The following CPLANE1 variants were observed in gnomAD, a reference collection of about 807,000 sequenced individuals.
The protein encoded by CPLANE1 is ciliogenesis and planar polarity effector complex subunit 1.
In CPLANE1, 263 loss-of-function variants were observed where a neutral mutation model predicts 362.5. The ratio of observed to expected loss-of-function variants is 0.73; its 90% CI spans 0.66 to 0.80. The LOEUF (loss-of-function observed/expected upper bound fraction) is 0.80, where lower values mean the gene tolerates loss of function less well. Ranked by LOEUF, CPLANE1 falls within the 30% of genes least tolerant of loss-of-function variation. CPLANE1 has a pLI of 0.00. For synonymous variants in CPLANE1, 1,212 were observed against 1,302.6 expected (o/e 0.93, Z 1.50); for missense variants, 3,461 against 3,793.4 (o/e 0.91, Z 2.30).
Position 37,201,705 on chromosome 5 carries a change from T to C in CPLANE1, c.3393A>G (p.Gln1131=), listed in dbSNP as rs1789235793. The C allele has an allele frequency of 3.1e-6, 5 of 1,614,136 alleles. No homozygotes were observed. The highest frequency in any genetic ancestry group is 2.2e-5 in the East Asian group (1 of 44,876). ...ADADILSETF[Q]LLIDSAKDFS... ...AGTCCTTGGCAGAGTCTATCAGAAG[T>C]TGAAATGTCTCCGAAAGAATATCTG... is the stretch of plus-strand genomic sequence containing the variant. The change falls in exon 19 of 53, where the codon CAA becomes CAG. Residue 1131 remains glutamine, a synonymous_variant. Coordinates refer to ENST00000651892, the MANE Select transcript of CPLANE1 (RefSeq NM_001384732.1).
chr5:37,149,480 T>G (rs1356993478), intron 42 of CPLANE1, among the ~76,000 whole-genome samples: 1 of 152,204 alleles, frequency 6.6e-6, no homozygotes. Context: ...CATCCTTTTT[T>G]GTTTTTATTA....
In CPLANE1 at chr5:37,186,347, C is replaced by A; in HGVS notation, c.4128G>T (p.Arg1376Ser). ...VKAFPYPEDV[R>S]VPLRDKYHSL... Reference sequence around the variant, plus strand: ...AGTGATATTTGTCTCTTAAAGGAACCCTCACGTCCTCAGGATAGGGAAATG... The same window carrying A: ...AGTGATATTTGTCTCTTAAAGGAACACTCACGTCCTCAGGATAGGGAAATG... The change falls in exon 24 of 53, where the codon AGG becomes AGT. Residue 1376 changes from arginine (R) to serine (S), a missense_variant. By Grantham distance (110) the Arg-to-Ser change is moderately radical (BLOSUM62 -1). This residue lies in a region of CPLANE1 where 3,380 missense variants were observed against 3,666.1 expected (regional missense o/e 0.92). Transcript: ENST00000651892. 1.2e-6 allele frequency: 2 copies of A among 1,606,894 alleles called. No homozygotes were observed. The highest frequency in any genetic ancestry group is 1.7e-6 in the Non-Finnish European group (2 of 1,173,832).
rs547534957 is a variant in CPLANE1 at position 37,227,561 on chromosome 5, A to T, written c.1371+7T>A. 6.5e-7 allele frequency: 1 copy of T among 1,536,098 alleles called. No individual in the cohort carries two copies. Among genetic ancestry groups the T allele is most frequent in the East Asian group, 2.5e-5 (1 of 40,758 alleles). ...ACTTTCCCCAATGATATAAAAAAGC[A>T]CTATACCTTAGACAATATCACACTT... On this transcript the variant is annotated splice_region_variant and intron_variant, in intron 10 of 52. Coordinates refer to ENST00000651892, the MANE Select transcript of CPLANE1 (RefSeq NM_001384732.1).
intron 18 of CPLANE1, among the ~76,000 whole-genome samples, chr5:37,203,477 T>C (rs930747763): frequency 6.6e-6 from 1 of 152,200 alleles, no homozygotes; most frequent in African/African-American, 2.4e-5. Flanking sequence ...TTGGCTATTA[T>C]GAAAAAGTTG....
chr5:37,083,369 T>C, the CPLANE1 span, among the ~76,000 whole-genome samples: 1 of 152,002 alleles, frequency 6.6e-6, no homozygotes, highest in African/African-American at 2.4e-5. Context: ...CATAACAAGG[T>C]TCATTAACAC....
intron 16 of CPLANE1, among the ~76,000 whole-genome samples, chr5:37,212,941 C>T (rs1192088027): frequency 6.6e-6 from 1 of 152,180 alleles, no homozygotes; most frequent in Non-Finnish European, 1.5e-5. Context: ...TGGCCGGGCA[C>T]GTGGCGCACG....
chr5:37,228,299 A>T (rs1307390303), intron 9 of CPLANE1, among the ~76,000 whole-genome samples: 1 of 152,162 alleles, frequency 6.6e-6, no homozygotes, highest in Non-Finnish European at 1.5e-5. Flanking sequence ...TAACTTAAAC[A>T]TACAATATTG....
chr5:37,192,736 C>CGT (rs1785942649), intron 21 of CPLANE1, among the ~76,000 whole-genome samples: 3 of 150,532 alleles, frequency 2.0e-5, no homozygotes, highest in African/African-American at 7.4e-5. Flanking sequence ...TGGTGGCAGG[C>CGT]GCCTGTAGTC....
intron 16 of CPLANE1, chr5:37,210,475 A>G: frequency 8.7e-7 from 1 of 1,151,352 alleles, no homozygotes; most frequent in South Asian, 1.3e-5. Context: ...CTGATTGAAG[A>G]TGAAAGGAAG....
At chr5:37,223,211 A>G (rs1795728742) in intron 14 of CPLANE1, among the ~76,000 whole-genome samples, 1 of 152,122 alleles carries the variant, frequency 6.6e-6, no homozygotes, top group Admixed American at 6.6e-5. Context: ...TTGGAACACT[A>G]TATACTCTGT....
At chr5:37,246,619 CTT>C (rs1739758344) in intron 2 of CPLANE1, 1 of 152,250 alleles carries the variant, frequency 6.6e-6, no homozygotes, top group African/African-American at 2.4e-5. Context: ...TTTGAGTTAA[CTT>C]TGTTTTCATA....
intron 38 of CPLANE1, among the ~76,000 whole-genome samples, chr5:37,160,474 T>C (rs777949469): frequency 6.6e-6 from 1 of 151,350 alleles, no homozygotes; most frequent in Non-Finnish European, 1.5e-5. Context: ...GTAGGAGAAT[T>C]GCTTGAACCT....
chr5:37,093,625 G>T, the CPLANE1 span, among the ~76,000 whole-genome samples: 1 of 152,162 alleles, frequency 6.6e-6, no homozygotes, highest in Non-Finnish European at 1.5e-5. Context: ...TTATACTCAT[G>T]ATTGTCTTAT....
intron 14 of CPLANE1, 147 bp downstream of exon 14, chr5:37,224,106 T>A (rs1004156248): frequency 2.2e-5 from 12 of 550,240 alleles, no homozygotes; most frequent in Non-Finnish European, 3.5e-5. Context: ...AATTTAGAAT[T>A]ATTTTTAAGG....
At chr5:37,124,774 C>T in intron 47 of CPLANE1, 1 of 499,050 alleles carries the variant, frequency 2.0e-6, no homozygotes, top group South Asian at 8.6e-5. Flanking sequence ...AGGATGCTCT[C>T]AACTCTTGGT....
At chr5:37,145,269 C>T (rs570538069) in intron 43 of CPLANE1, among the ~76,000 whole-genome samples, 8 of 152,292 alleles carry the variant, frequency 5.3e-5, no homozygotes, top group Admixed American at 5.2e-4. Flanking sequence ...CACACCACTG[C>T]ACTCTCCAGA....
At chr5:37,178,906 C>A (rs1464788145) in intron 29 of CPLANE1, among the ~76,000 whole-genome samples, 1 of 152,084 alleles carries the variant, frequency 6.6e-6, no homozygotes, top group Non-Finnish European at 1.5e-5. Flanking sequence ...CTACTACAGG[C>A]GCATGCCACC....
At chr5:37,178,117 AC>A (rs1299607016) in intron 29 of CPLANE1, among the ~76,000 whole-genome samples, 1 of 152,052 alleles carries the variant, frequency 6.6e-6, no homozygotes, top group East Asian at 1.9e-4. Flanking sequence ...ACATGGTGAA[AC>A]TCTGTCTCTA....
chr5:37,092,772 C>T, the CPLANE1 span, among the ~76,000 whole-genome samples: 5,412 of 152,236 alleles, frequency 0.036, 319 homozygotes, highest in African/African-American at 0.12. Flanking sequence ...ATCATAATTC[C>T]GGTAACAACT....
Sources: allele counts gnomAD v4.1 joint callset (sites outside exome capture counted in the v4.1 genomes callset), GRCh38; gene constraint gnomAD v4.1.1; regional missense constraint gnomAD v4.1.1; transcripts MANE v1.5; gene names NCBI Gene and HGNC (gene_info 2026-07-23, HGNC 2026-07-21).